Variants in PCDH10 observed in about 807,000 individuals in gnomAD.
PCDH10 encodes the protein protocadherin 10.
A neutral mutation model predicts 74.4 loss-of-function variants in PCDH10; 15 were observed. That is an observed-to-expected ratio of 0.20 (90% CI 0.13 to 0.31). PCDH10 has a LOEUF of 0.31. Among genes scored for constraint, PCDH10 ranks in the 10% least tolerant of loss-of-function variants. PCDH10 has a pLI of 1.00. For missense variants in PCDH10, 1,260 were observed against 1,390.2 expected (o/e 0.91, Z 1.49); for synonymous variants, 619 against 589.8 (o/e 1.05, Z -0.72).
At chr4:133,163,373 G>GT (rs1033112158) in intron 4 of PCDH10, 91 bp downstream of exon 4, 3 of 1,187,904 alleles carry the variant, frequency 2.5e-6, no homozygotes, top group African/African-American at 1.5e-5. Flanking sequence ...TGGAGTTCAG[G>GT]TTTTTTTAAG....
chr4:133,152,873 A>G, intron 1 of PCDH10, 102 bp downstream of exon 1: 1 of 1,520,200 alleles, frequency 6.6e-7, no homozygotes, highest in Non-Finnish European at 8.8e-7. Context: ...TATTTTTAGG[A>G]TATTAGCTTA....
chr4:133,160,877 C>T (rs768718460), intron 3 of PCDH10, among the ~76,000 whole-genome samples: 4 of 151,626 alleles, frequency 2.6e-5, no homozygotes, highest in African/African-American at 4.8e-5. Context: ...CTCTTAAAGA[C>T]GTTTCTACTA....
At chr4:133,197,224 G>T (rs1156252875), downstream of PCDH10, among the ~76,000 whole-genome samples, 1 of 152,118 alleles carries the variant, frequency 6.6e-6, no homozygotes, top group African/African-American at 2.4e-5. Flanking sequence ...GACCCCAATG[G>T]CCTTTCTGAA....
At chr4:133,163,864 A>G in intron 4 of PCDH10, 2 of 436,844 alleles carry the variant, frequency 4.6e-6, no homozygotes, top group South Asian at 3.3e-5. Flanking sequence ...TGAAAAGTAA[A>G]AGAGTTTTTA....
chr4:133,204,724 T>C (rs1205048234), intron 2 of PCDH10, among the ~76,000 whole-genome samples: 1 of 152,148 alleles, frequency 6.6e-6, no homozygotes, highest in Non-Finnish European at 1.5e-5. Flanking sequence ...TACCATCCTT[T>C]AAGAGGTTAT....
In PCDH10 at chr4:133,154,294, A is replaced by AT. The variant is rs1490628013; in HGVS notation, c.2632-6dup. 6.9e-6 allele frequency: 11 copies of AT among 1,591,982 alleles called. No individual in the cohort carries two copies. Among genetic ancestry groups the AT allele is most frequent in the South Asian group, 1.1e-5 (1 of 89,150 alleles). ...GCATTCAAATGCTCTTGATTTATTTATTTTTTTCCTAGACTAAACACCAGC... is the reference window on the plus strand; with the variant it reads ...GCATTCAAATGCTCTTGATTTATTTATTTTTTTTCCTAGACTAAACACCAGC... On this transcript the variant is annotated splice_polypyrimidine_tract_variant and intron_variant, in intron 1 of 4. Coordinates refer to ENST00000264360, the MANE Select transcript of PCDH10 (RefSeq NM_032961.3).
rs2125875208 is a variant in PCDH10 at position 133,193,748 on chromosome 4, A to G, written c.*3588A>G. On this transcript the variant is annotated 3_prime_UTR_variant, in exon 5 of 5. Coordinates refer to ENST00000264360, the MANE Select transcript of PCDH10 (RefSeq NM_032961.3). ...ATACCCAAGGAACTCAAAAATACTT[A>G]AAATATTGGTATACTTGATGATTTT... The G allele has an allele frequency of 6.6e-6, 1 of 151,818 alleles. No homozygotes were observed. The highest frequency in any genetic ancestry group is 2.4e-5 in the African/African-American group (1 of 41,546). The allele number at this position is 151,818 out of a possible 1,614,324, so 9.4% of individuals were successfully genotyped here.
In PCDH10 at chr4:133,151,707, G is replaced by A; in HGVS notation, c.1567G>A (p.Gly523Ser). ...FTYVSINSEN[G>S]YLYALRSFDY... ...CTACGTTTCTATCAACTCTGAGAACGGCTACTTGTACGCCCTGCGCTCCTT... is the reference window on the plus strand; with the variant it reads ...CTACGTTTCTATCAACTCTGAGAACAGCTACTTGTACGCCCTGCGCTCCTT... Residue 523 changes from glycine to serine, a missense_variant, in exon 1 of 5, where the codon GGC (glycine) becomes AGC (serine). Around this residue, in one of 11 missense-constraint regions of PCDH10, gnomAD observed 587 missense variants for 616.9 expected, o/e 0.95. Transcript: ENST00000264360. The A allele has an allele frequency of 1.2e-6, 2 of 1,613,300 alleles. No individual in the cohort carries two copies. The highest frequency in any genetic ancestry group is 1.7e-6 in the Non-Finnish European group (2 of 1,180,046).
At chr4:133,197,418 G>A (rs1386613854), downstream of PCDH10, among the ~76,000 whole-genome samples, 1 of 152,070 alleles carries the variant, frequency 6.6e-6, no homozygotes, top group Non-Finnish European at 1.5e-5. Context: ...AGCTTGACAG[G>A]CTCTGTTCCC....
intron 3 of PCDH10, among the ~76,000 whole-genome samples, chr4:133,162,555 A>T (rs1726991034): frequency 6.6e-6 from 1 of 152,146 alleles, no homozygotes; most frequent in Non-Finnish European, 1.5e-5. Flanking sequence ...AAAAAAGTCA[A>T]ATATTTATCA....
At chr4:133,199,775 T>C (rs948764414) in intron 2 of PCDH10, among the ~76,000 whole-genome samples, 4 of 145,174 alleles carry the variant, frequency 2.8e-5, no homozygotes, top group East Asian at 4.0e-4. Flanking sequence ...ATTATTATTA[T>C]TATTATTATT....
rs1011641823 is a variant in PCDH10 at position 133,178,464 on chromosome 4, G to A, written c.3104-11677G>A. Reference sequence around the variant, plus strand: ...TTGGTCAGGCTGGTCTCGAACTCTCGACCTCAGGTGATTGGTCTGCCTTGG... The same window carrying A: ...TTGGTCAGGCTGGTCTCGAACTCTCAACCTCAGGTGATTGGTCTGCCTTGG... On this transcript the variant is annotated intron_variant, in intron 4 of 4. Coordinates refer to ENST00000264360, the MANE Select transcript of PCDH10 (RefSeq NM_032961.3). Among the ~76,000 whole-genome samples, 53 of 151,942 alleles carry A rather than the reference G, an allele frequency of 3.5e-4. No individual in the cohort carries two copies. In the East Asian group the frequency reaches 8.8e-3, roughly 25 times the overall value.
At chr4:133,177,567 A>C (rs901398367) in intron 4 of PCDH10, among the ~76,000 whole-genome samples, 4 of 152,150 alleles carry the variant, frequency 2.6e-5, no homozygotes, top group African/African-American at 7.2e-5. Context: ...TTTAGTGCCC[A>C]ATTTCATTTC....
chr4:133,155,289 T>C (rs1250145212), intron 3 of PCDH10, among the ~76,000 whole-genome samples: 1 of 152,240 alleles, frequency 6.6e-6, no homozygotes, highest in Admixed American at 6.5e-5. Context: ...TGTTCTTTAA[T>C]GGACACATTG....
chr4:133,172,214 C>G (rs1057308602), intron 4 of PCDH10, among the ~76,000 whole-genome samples: 3 of 151,954 alleles, frequency 2.0e-5, no homozygotes, highest in Non-Finnish European at 4.4e-5. Context: ...ACTGTTTAAT[C>G]CATTAATATT....
At chr4:133,172,277 T>A (rs1271296435) in intron 4 of PCDH10, among the ~76,000 whole-genome samples, 5 of 151,964 alleles carry the variant, frequency 3.3e-5, no homozygotes. Flanking sequence ...AGAGCAATAT[T>A]TCTTCTTAAA....
intron 4 of PCDH10, among the ~76,000 whole-genome samples, chr4:133,185,407 A>G (rs1727525131): frequency 6.6e-6 from 1 of 152,046 alleles, no homozygotes; most frequent in African/African-American, 2.4e-5. Context: ...AAAAAAATTC[A>G]AAAAGATTTT....
At chr4:133,179,948 T>A (rs1016543725) in intron 4 of PCDH10, among the ~76,000 whole-genome samples, 3 of 152,024 alleles carry the variant, frequency 2.0e-5, no homozygotes, top group African/African-American at 7.2e-5. Context: ...ATTACAGTAG[T>A]CTCTGAATGA....
intron 4 of PCDH10, among the ~76,000 whole-genome samples, chr4:133,169,356 T>G (rs554527161): frequency 1.2e-4 from 18 of 151,960 alleles, no homozygotes; most frequent in Non-Finnish European, 2.2e-4. Flanking sequence ...TAAGGGCATA[T>G]AGAGAAAACA....
Sources: gnomAD v4.1 joint callset for allele counts (sites outside exome capture counted in the v4.1 genomes callset) on GRCh38, gnomAD v4.1.1 for gene constraint, gnomAD v4.1.1 regional missense constraint, MANE v1.5 for transcripts, NCBI Gene and HGNC (gene_info 2026-07-23, HGNC 2026-07-21) for gene names.